Variants in CCDC73 observed in about 807,000 individuals in gnomAD.
CCDC73 encodes the protein coiled-coil domain containing 73.
A neutral mutation model predicts 116.5 loss-of-function variants in CCDC73; 95 were observed. The ratio of observed to expected loss-of-function variants is 0.82; its 90% CI spans 0.69 to 0.97. CCDC73 has a LOEUF of 0.97. Among genes scored for constraint, CCDC73 ranks in the 50% least tolerant of loss-of-function variants. The pLI is 0.00. For missense variants in CCDC73, 1,066 were observed against 1,206.8 expected (o/e 0.88, Z 1.73); for synonymous variants, 398 against 401.3 (o/e 0.99, Z 0.10).
intron 13 of CCDC73, among the ~76,000 whole-genome samples, chr11:32,636,725 G>C (rs1191497028): frequency 2.6e-5 from 4 of 151,810 alleles, no homozygotes; most frequent in Non-Finnish European, 5.9e-5. Flanking sequence ...ATAGAGGCCA[G>C]TAGGTGTAAA....
chr11:32,609,091 T>C (rs1170401594), intron 17 of CCDC73, among the ~76,000 whole-genome samples: 4 of 152,234 alleles, frequency 2.6e-5, no homozygotes, highest in African/African-American at 9.6e-5. Context: ...TTTTCCCCAT[T>C]GTCTTGGAGA....
chr11:32,761,225 C>T (rs1850389552), intron 1 of CCDC73, among the ~76,000 whole-genome samples: 1 of 150,554 alleles, frequency 6.6e-6, no homozygotes, highest in South Asian at 2.1e-4. Flanking sequence ...TAACCTATAG[C>T]TTTTTTTTTA....
At chr11:32,734,415 A>ATTTTTTTTCT (rs1565088113) in intron 2 of CCDC73, among the ~76,000 whole-genome samples, 1 of 136,564 alleles carries the variant, frequency 7.3e-6, no homozygotes. Context: ...TCCCTAACTC[A>ATTTTTTTTCT]TTTTTTTTTC....
intron 3 of CCDC73, among the ~76,000 whole-genome samples, chr11:32,709,014 T>A (rs1849877485): frequency 1.3e-5 from 2 of 152,136 alleles, no homozygotes; most frequent in Non-Finnish European, 2.9e-5. Flanking sequence ...TTTCAACTTC[T>A]CCCCGTATAA....
chr11:32,645,955 T>C (rs1855775444), intron 12 of CCDC73, among the ~76,000 whole-genome samples: 3 of 152,234 alleles, frequency 2.0e-5, no homozygotes, highest in Admixed American at 2.0e-4. Context: ...GTGTGTATAA[T>C]AGATGCTTAG....
chr11:32,686,712 T>C (rs1282620930), intron 6 of CCDC73, among the ~76,000 whole-genome samples: 1 of 152,192 alleles, frequency 6.6e-6, no homozygotes, highest in African/African-American at 2.4e-5. Context: ...CTTTCTCAAT[T>C]ACAATCCACA....
At chr11:32,800,759 GAGA>G in the CCDC73 span, among the ~76,000 whole-genome samples, 5 of 152,150 alleles carry the variant, frequency 3.3e-5, no homozygotes, top group Admixed American at 1.3e-4. Context: ...GACGAAGTAG[GAGA>G]AGAAGAGTGA....
intron 1 of CCDC73, among the ~76,000 whole-genome samples, chr11:32,777,643 T>C (rs1850549178): frequency 1.3e-5 from 2 of 152,090 alleles, no homozygotes. Flanking sequence ...TTCTATACTA[T>C]TGAGACTTTT....
At chr11:32,688,945 AG>A (rs1856229360) in intron 6 of CCDC73, among the ~76,000 whole-genome samples, 9 of 152,220 alleles carry the variant, frequency 5.9e-5, no homozygotes, top group Admixed American at 5.2e-4. Context: ...TTGGTAATCC[AG>A]AAACCCCTAC....
intron 2 of CCDC73, among the ~76,000 whole-genome samples, chr11:32,721,457 A>ATGAGTG (rs1318921974): frequency 6.6e-6 from 1 of 152,204 alleles, no homozygotes; most frequent in Non-Finnish European, 1.5e-5. Context: ...TTAATGTTAT[A>ATGAGTG]TGAGTGTTCA....
chr11:32,656,894 A>T (rs1461134823), intron 9 of CCDC73, among the ~76,000 whole-genome samples: 3 of 152,230 alleles, frequency 2.0e-5, no homozygotes, highest in African/African-American at 7.2e-5. Context: ...GAGTGGCAAG[A>T]TTATAGGAAA....
At chr11:32,766,989 T>C (rs1015627344) in intron 1 of CCDC73, among the ~76,000 whole-genome samples, 6 of 152,074 alleles carry the variant, frequency 3.9e-5, no homozygotes, top group Non-Finnish European at 7.4e-5. Flanking sequence ...TCATATGGAA[T>C]CAAAGAAGAG....
At chr11:32,620,714 A>C (rs1253204818) in intron 14 of CCDC73, among the ~76,000 whole-genome samples, 2 of 151,026 alleles carry the variant, frequency 1.3e-5, no homozygotes, top group African/African-American at 4.9e-5. Flanking sequence ...AGTGGAGGGG[A>C]TTATAAAAGA....
At chr11:32,821,846 C>T in the CCDC73 span, among the ~76,000 whole-genome samples, 2 of 152,190 alleles carry the variant, frequency 1.3e-5, no homozygotes, top group Non-Finnish European at 2.9e-5. Flanking sequence ...TTTGTCAATG[C>T]ATTAAACAAA....
chr11:32,687,186 G>A (rs1856209767), intron 6 of CCDC73, among the ~76,000 whole-genome samples: 1 of 152,162 alleles, frequency 6.6e-6, no homozygotes, highest in African/African-American at 2.4e-5. Flanking sequence ...AGTCCATTAG[G>A]TTAGGTACAA....
At chr11:32,828,403 G>A in the CCDC73 span, among the ~76,000 whole-genome samples, 8 of 151,718 alleles carry the variant, frequency 5.3e-5, no homozygotes, top group African/African-American at 9.7e-5. Flanking sequence ...CCAGCTACTC[G>A]GAAGGCTGAG....
chr11:32,804,210 C>A, the CCDC73 span, among the ~76,000 whole-genome samples: 983 of 152,308 alleles, frequency 6.5e-3, 15 homozygotes, highest in African/African-American at 0.022. Context: ...ACAACCACAG[C>A]TCACTGCAAC....
intron 9 of CCDC73, among the ~76,000 whole-genome samples, chr11:32,663,433 T>G (rs1855949715): frequency 6.6e-6 from 1 of 152,250 alleles, no homozygotes; most frequent in African/African-American, 2.4e-5. Context: ...TATTTTATTC[T>G]CTTGCAAGCA....
chr11:32,765,612 C>A (rs1440881805), intron 1 of CCDC73, among the ~76,000 whole-genome samples: 2 of 152,180 alleles, frequency 1.3e-5, no homozygotes, highest in African/African-American at 4.8e-5. Context: ...ACATTTAAAG[C>A]AGTGTGTAAA....
Sources: gnomAD v4.1 joint callset for allele counts (sites outside exome capture counted in the v4.1 genomes callset) on GRCh38, gnomAD v4.1.1 for gene constraint, MANE v1.5 for transcripts, NCBI Gene and HGNC (gene_info 2026-07-23, HGNC 2026-07-21) for gene names.